PLA2G6: variants seen among roughly 807,000 people sequenced by gnomAD.
The protein encoded by PLA2G6 is phospholipase A2 group VI.
In PLA2G6, 62 loss-of-function variants were observed where a neutral mutation model predicts 83.8. The observed-to-expected ratio is 0.74, with a 90% CI of 0.60 to 0.91. PLA2G6 has a LOEUF of 0.91. PLA2G6 is among the 40% of genes least tolerant of loss of function. The pLI, the probability that PLA2G6 is intolerant of heterozygous loss-of-function variation, is 0.00. For missense variants in PLA2G6, 944 were observed against 1,102.0 expected (o/e 0.86, Z 2.03); for synonymous variants, 417 against 449.8 (o/e 0.93, Z 0.92).
intron 11 of PLA2G6, among the ~76,000 whole-genome samples, chr22:38,121,764 T>C (rs1394833315): frequency 6.6e-6 from 1 of 152,172 alleles, no homozygotes; most frequent in Non-Finnish European, 1.5e-5. Flanking sequence ...GACGTGGCCC[T>C]TTTGGAGAAG....
In PLA2G6 at chr22:38,174,763, C is replaced by T. The variant is rs146464644; in HGVS notation, c.-45-5292G>A. Among the ~76,000 whole-genome samples the T allele has an allele frequency of 5.3e-5, 8 of 152,238 alleles. No individual in the cohort carries two copies. The East Asian group carries it at 7.7e-4, about 15-fold the overall frequency. On this transcript the variant is annotated intron_variant, in intron 1 of 16. Transcript: ENST00000332509. The stretch of plus-strand genomic sequence containing the variant: ...GGTGAGCATTTTCACTGGGACTGGA[C>T]GGCTCGAGAGGGGAAGGTGCTGAGA...
chr22:38,172,698 G>A (rs1315551285), intron 1 of PLA2G6, among the ~76,000 whole-genome samples: 2 of 152,220 alleles, frequency 1.3e-5, no homozygotes. Flanking sequence ...ACAGGGACGC[G>A]GAGGGGTGCG....
intron 2 of PLA2G6, among the ~76,000 whole-genome samples, chr22:38,156,377 C>A (rs2089778964): frequency 6.6e-6 from 1 of 152,164 alleles, no homozygotes; most frequent in African/African-American, 2.4e-5. Context: ...AATACACATT[C>A]TTCTCCTCAG....
chr22:38,171,324 TTGGTTCTCG>T (rs1322284958), intron 1 of PLA2G6, among the ~76,000 whole-genome samples: 9 of 152,206 alleles, frequency 5.9e-5, no homozygotes, highest in Non-Finnish European at 1.3e-4. Flanking sequence ...AAATCCAAGC[TTGGTTCTCG>T]TGGTTCTCAG....
At chr22:38,135,304 G>A (rs897539894) in intron 5 of PLA2G6, 10 of 563,598 alleles carry the variant, frequency 1.8e-5, no homozygotes, top group African/African-American at 3.8e-5. Context: ...GCTGCCACCA[G>A]CAATGATCAC....
chr22:38,155,043 T>C (rs1267181480), intron 2 of PLA2G6, among the ~76,000 whole-genome samples: 1 of 152,144 alleles, frequency 6.6e-6, no homozygotes, highest in Non-Finnish European at 1.5e-5. Flanking sequence ...CTGGCTAACA[T>C]GGTGAAATCC....
At chr22:38,112,378 G>C in intron 16 of PLA2G6, 73 bp from the exon 17 acceptor site, 3 of 1,567,190 alleles carry the variant, frequency 1.9e-6, no homozygotes, top group Non-Finnish European at 2.6e-6. Context: ...TAGGACCAGG[G>C]TGGGCTTGGG....
At chr22:38,112,816 A>G (rs559126640) in intron 15 of PLA2G6, 70 of 594,138 alleles carry the variant, frequency 1.2e-4, no homozygotes, top group Admixed American at 2.3e-4. Flanking sequence ...AGGGATGATG[A>G]GTGGGGGAAA....
At chr22:38,160,997 A>G (rs1479634355) in intron 2 of PLA2G6, among the ~76,000 whole-genome samples, 1 of 152,202 alleles carries the variant, frequency 6.6e-6, no homozygotes, top group Non-Finnish European at 1.5e-5. Context: ...ACTGAGCTGT[A>G]TATCATTTTC....
chr22:38,113,704 G>A (rs767075629), intron 14 of PLA2G6, 50 bp from the exon 15 acceptor site: 7 of 1,560,380 alleles, frequency 4.5e-6, no homozygotes, highest in Non-Finnish European at 4.4e-6. Context: ...CACAGGTAGG[G>A]GGCACGAAGG....
intron 2 of PLA2G6, among the ~76,000 whole-genome samples, chr22:38,164,720 C>T (rs201288611): frequency 9.9e-5 from 15 of 152,196 alleles, no homozygotes; most frequent in Non-Finnish European, 1.9e-4. Flanking sequence ...CCACCTGGAG[C>T]GGAAGGCTAG....
At chr22:38,112,676 G>A (rs928583606) in intron 15 of PLA2G6, 99 bp from the exon 16 acceptor site, 6 of 1,026,176 alleles carry the variant, frequency 5.8e-6, no homozygotes, top group African/African-American at 1.6e-5. Context: ...AGCCTGGGGA[G>A]CCCCAGGCTC....
intron 2 of PLA2G6, among the ~76,000 whole-genome samples, chr22:38,153,540 G>C (rs1207432920): frequency 1.3e-5 from 2 of 151,810 alleles, no homozygotes; most frequent in African/African-American, 4.8e-5. Flanking sequence ...GGAGGCTGAG[G>C]CTGGAGAATC....
chr22:38,173,015 T>C (rs1021203009), intron 1 of PLA2G6, among the ~76,000 whole-genome samples: 1 of 152,152 alleles, frequency 6.6e-6, no homozygotes, highest in African/African-American at 2.4e-5. Context: ...ACAGTGGCCA[T>C]TGTTATCACT....
chr22:38,130,104 G>A (rs2088118920), intron 7 of PLA2G6: 1 of 236,174 alleles, frequency 4.2e-6, no homozygotes, highest in Non-Finnish European at 8.5e-6. Flanking sequence ...GCAGAGCATG[G>A]CATGGTTTCA....
intron 5 of PLA2G6, chr22:38,137,441 T>A (rs916211823): frequency 6.6e-6 from 1 of 152,300 alleles, no homozygotes; most frequent in Non-Finnish European, 1.5e-5. Context: ...TCCATCTCAC[T>A]GTCTGGGATT....
At chr22:38,158,479 A>G (rs2089882142) in intron 2 of PLA2G6, among the ~76,000 whole-genome samples, 2 of 152,170 alleles carry the variant, frequency 1.3e-5, no homozygotes, top group Admixed American at 1.3e-4. Flanking sequence ...CCACGTCAAG[A>G]TATTTTCTAA....
At chr22:38,175,700 G>A (rs1176788015) in intron 1 of PLA2G6, among the ~76,000 whole-genome samples, 1 of 152,132 alleles carries the variant, frequency 6.6e-6, no homozygotes, top group Non-Finnish European at 1.5e-5. Flanking sequence ...CTGCAGCCTG[G>A]TGTGCCTTCC....
At chr22:38,119,533 G>T (rs1161641583) in intron 12 of PLA2G6, among the ~76,000 whole-genome samples, 1 of 152,146 alleles carries the variant, frequency 6.6e-6, no homozygotes, top group Non-Finnish European at 1.5e-5. Flanking sequence ...GTTTATGAAC[G>T]AGAAATAAAA....
Sources: allele counts gnomAD v4.1 joint callset (sites outside exome capture counted in the v4.1 genomes callset), GRCh38; gene constraint gnomAD v4.1.1; transcripts MANE v1.5; gene names NCBI Gene and HGNC (gene_info 2026-07-23, HGNC 2026-07-21).